Variants in ANKRD45 observed in about 807,000 individuals in gnomAD.
The protein encoded by ANKRD45 is ankyrin repeat domain 45.
Under a neutral mutation model 28.1 loss-of-function variants are expected in ANKRD45, and 21 were observed. The ratio of observed to expected loss-of-function variants is 0.75; its 90% CI spans 0.53 to 1.08. ANKRD45 has a LOEUF of 1.08. Among genes scored for constraint, ANKRD45 ranks in the 50% least tolerant of loss-of-function variants. The pLI is 0.00. For missense variants in ANKRD45, 261 were observed against 308.7 expected (o/e 0.85, Z 1.16); for synonymous variants, 86 against 103.9 (o/e 0.83, Z 1.05).
intron 4 of ANKRD45, 24 bp downstream of exon 4, chr1:173,627,041 C>G (rs1397799488): frequency 6.6e-7 from 1 of 1,522,848 alleles, no homozygotes; most frequent in South Asian, 1.2e-5. Context: ...CACTACAGAA[C>G]AAGCAATAAT....
chr1:173,613,308 C>T (rs1414522053), intron 5 of ANKRD45, among the ~76,000 whole-genome samples: 1 of 150,946 alleles, frequency 6.6e-6, no homozygotes, highest in African/African-American at 2.4e-5. Context: ...GGAGCCCCTC[C>T]GACCAGCAGC....
the ANKRD45 span, among the ~76,000 whole-genome samples, chr1:173,686,033 C>CATCAGGGAGCA: frequency 3.9e-5 from 6 of 152,158 alleles, no homozygotes; most frequent in African/African-American, 1.4e-4. Flanking sequence ...AAAAGCTCTA[C>CATCAGGGAGCA]ATCAGGGAGC....
chr1:173,686,159 AG>A, the ANKRD45 span, among the ~76,000 whole-genome samples: 1 of 152,212 alleles, frequency 6.6e-6, no homozygotes, highest in Non-Finnish European at 1.5e-5. Context: ...TTTCTGAAGT[AG>A]GGAGCCATCT....
At chr1:173,671,380 T>C (rs74448174), upstream of ANKRD45, among the ~76,000 whole-genome samples, 12,015 of 152,106 alleles carry the variant, frequency 0.079, 719 homozygotes, top group East Asian at 0.32. Flanking sequence ...ATGGTGGAGT[T>C]TAACTGGTAT....
chr1:173,615,255 C>T lies in ANKRD45; in HGVS notation c.731-5040G>A, dbSNP rs991508062. Among the ~76,000 whole-genome samples, 3 of 151,884 alleles carry T rather than the reference C, an allele frequency of 2.0e-5. 1 individual carries two copies. Among genetic ancestry groups the T allele is most frequent in the South Asian group, 4.2e-4 (2 of 4,816 alleles). On this transcript the variant is annotated intron_variant, in intron 5 of 5. Coordinates refer to ENST00000333279, the MANE Select transcript of ANKRD45 (RefSeq NM_198493.3). Reference sequence around the variant, plus strand: ...CAAAAATTAGCTGGGCGCGGTGGCACGTGCCTGTAATCCCAGCTACTCGGG... The same window carrying T: ...CAAAAATTAGCTGGGCGCGGTGGCATGTGCCTGTAATCCCAGCTACTCGGG...
chr1:173,706,243 G>A, the ANKRD45 span, among the ~76,000 whole-genome samples: 2,724 of 143,458 alleles, frequency 0.019, 74 homozygotes, highest in African/African-American at 0.068. Context: ...TGGAGGTTGC[G>A]ATGAGCTGAG....
chr1:173,638,593 G>A (rs780072775), intron 3 of ANKRD45, among the ~76,000 whole-genome samples: 9 of 152,136 alleles, frequency 5.9e-5, no homozygotes, highest in East Asian at 3.9e-4. Flanking sequence ...GAAATGTTTC[G>A]AGTAAGACAG....
chr1:173,713,234 G>A, the ANKRD45 span, among the ~76,000 whole-genome samples: 2 of 152,044 alleles, frequency 1.3e-5, no homozygotes, highest in South Asian at 2.1e-4. Context: ...CCGTGAAATC[G>A]CCTTTGCAAA....
At chr1:173,627,785 A>G (rs1382775711) in intron 3 of ANKRD45, among the ~76,000 whole-genome samples, 1 of 151,384 alleles carries the variant, frequency 6.6e-6, no homozygotes, top group African/African-American at 2.4e-5. Context: ...CTAGTGAGAC[A>G]CCAGCCTGAA....
At chr1:173,642,368 T>G (rs775129049) in intron 3 of ANKRD45, among the ~76,000 whole-genome samples, 1 of 152,326 alleles carries the variant, frequency 6.6e-6, no homozygotes, top group African/African-American at 2.4e-5. Flanking sequence ...GAAAGATTAC[T>G]TCTCTTAAAA....
the ANKRD45 span, among the ~76,000 whole-genome samples, chr1:173,688,839 C>T: frequency 6.9e-6 from 1 of 145,110 alleles, no homozygotes; most frequent in Non-Finnish European, 1.5e-5. Context: ...TCTCTCTCTC[C>T]CCTTTCTGCT....
At chr1:173,676,829 C>A in the ANKRD45 span, among the ~76,000 whole-genome samples, 1 of 115,290 alleles carries the variant, frequency 8.7e-6, no homozygotes, top group African/African-American at 3.9e-5. Flanking sequence ...GGTGAGACTC[C>A]ATCTCAAAAA....
Position 173,656,014 on chromosome 1 carries a change from C to T in ANKRD45, c.328+3077G>A, listed in dbSNP as rs185425484. On this transcript the variant is annotated intron_variant, in intron 2 of 5. Coordinates refer to ENST00000333279, the MANE Select transcript of ANKRD45 (RefSeq NM_198493.3). ...TTTTTCCAGGTACAGTGTATCATGGCTTCCCTTGGCTAGGAAAGGGAAATC... is the reference window on the plus strand; with the variant it reads ...TTTTTCCAGGTACAGTGTATCATGGTTTCCCTTGGCTAGGAAAGGGAAATC... Among the ~76,000 whole-genome samples, 246 of 152,324 alleles carry T rather than the reference C, an allele frequency of 1.6e-3. 3 individuals are homozygous for T. The highest frequency in any genetic ancestry group is 3.4e-4 in the Non-Finnish European group (23 of 68,028).
chr1:173,665,608 T>C (rs1159564987), intron 1 of ANKRD45, among the ~76,000 whole-genome samples: 1 of 152,178 alleles, frequency 6.6e-6, no homozygotes, highest in Non-Finnish European at 1.5e-5. Context: ...ATTAGGGCAG[T>C]GGTTCTCAAA....
rs747629377 is a variant in ANKRD45 at position 173,611,610 on chromosome 1, CACACACACACAA to C, written c.731-1407_731-1396del. Among the ~76,000 whole-genome samples, 440 of 144,938 alleles carry C rather than the reference CACACACACACAA, an allele frequency of 3.0e-3. 3 individuals carry two copies. The highest frequency in any genetic ancestry group is 7.0e-3 in the Middle Eastern group (2 of 286). On this transcript the variant is annotated intron_variant, in intron 5 of 5. Transcript: ENST00000333279. ...ACACACACACACACACACACACACA[CACACACACACAA>C]TAAAAATATATATCTCAAAATACAT...
chr1:173,610,861 G>A (rs1360695074), intron 5 of ANKRD45, among the ~76,000 whole-genome samples: 1 of 151,828 alleles, frequency 6.6e-6, no homozygotes, highest in Non-Finnish European at 1.5e-5. Context: ...AATAATTCAG[G>A]TCTTAATTAT....
chr1:173,625,565 T>C (rs1228034180), intron 4 of ANKRD45, among the ~76,000 whole-genome samples: 1 of 152,052 alleles, frequency 6.6e-6, no homozygotes, highest in Non-Finnish European at 1.5e-5. Flanking sequence ...TCTGTAAAAA[T>C]AAAGATAAAT....
At chr1:173,635,504 T>C in intron 3 of ANKRD45, 2 of 1,479,244 alleles carry the variant, frequency 1.4e-6, no homozygotes, top group Non-Finnish European at 1.8e-6. Flanking sequence ...CTACTTTTTT[T>C]TCAATTGACA....
At chr1:173,688,143 C>T in the ANKRD45 span, among the ~76,000 whole-genome samples, 2 of 152,220 alleles carry the variant, frequency 1.3e-5, no homozygotes, top group East Asian at 1.9e-4. Flanking sequence ...TCAGTGCTTT[C>T]GGGCTATGCC....
Sources: gnomAD v4.1 joint callset for allele counts (sites outside exome capture counted in the v4.1 genomes callset) on GRCh38, gnomAD v4.1.1 for gene constraint, MANE v1.5 for transcripts, NCBI Gene and HGNC (gene_info 2026-07-23, HGNC 2026-07-21) for gene names.